The following PRKN variants were observed in gnomAD, a reference collection of about 807,000 sequenced individuals.
PRKN encodes E3 ubiquitin-protein ligase parkin.
Under a neutral mutation model 59.5 loss-of-function variants are expected in PRKN, and 56 were observed. The ratio of observed to expected loss-of-function variants is 0.94; its 90% CI spans 0.76 to 1.18. The LOEUF is 1.18. Ranked by LOEUF, PRKN falls within the 50% of genes most tolerant of loss-of-function variation. The pLI is 0.00. For synonymous variants in PRKN, 250 were observed against 222.1 expected, an observed-to-expected ratio of 1.13 and a Z score of -1.12; for missense variants, 657 against 596.4, an observed-to-expected ratio of 1.10 and a Z score of -1.06.
At chr6:161,927,199 T>C (rs1238358078) in intron 6 of PRKN, among the ~76,000 whole-genome samples, 1 of 152,214 alleles carries the variant, frequency 6.6e-6, no homozygotes, top group Non-Finnish European at 1.5e-5. Context: ...TATAAGTGAA[T>C]TTGTGTATTC....
In PRKN at chr6:161,487,579, A is replaced by T. The variant is rs1009185410; in HGVS notation, c.1083+61275T>A. Among the ~76,000 whole-genome samples the T allele has an allele frequency of 1.3e-5, 2 of 152,224 alleles. No homozygotes were observed. The highest frequency in any genetic ancestry group is 4.8e-5 in the African/African-American group (2 of 41,448). On this transcript the variant is annotated intron_variant, in intron 9 of 11. Coordinates refer to ENST00000366898, the MANE Select transcript of PRKN (RefSeq NM_004562.3). This position sits in a 1 kb window ranked among gnomAD's most constrained non-coding sequence, Gnocchi z 5.3. ...CACATTTTGATGGTCGCTTAGGTAAACTAAGATCTATTTTAGACTTGCAAA... is the reference window on the plus strand; with the variant it reads ...CACATTTTGATGGTCGCTTAGGTAATCTAAGATCTATTTTAGACTTGCAAA...
chr6:162,603,582 C>T (rs999547174), intron 1 of PRKN, among the ~76,000 whole-genome samples: 2 of 152,194 alleles, frequency 1.3e-5, no homozygotes, highest in Non-Finnish European at 2.9e-5. Flanking sequence ...ATGCAGGTCC[C>T]TGCTCTAAGC....
intron 1 of PRKN, chr6:162,569,471 G>A (rs1780220352): frequency 4.4e-6 from 3 of 689,178 alleles, no homozygotes; most frequent in African/African-American, 1.8e-5. Flanking sequence ...GGAGAGTGAG[G>A]AGAGCCACCT....
Position 162,495,990 on chromosome 6 carries a change from C to T in PRKN, c.8-52517G>A, listed in dbSNP as rs542928468. On this transcript the variant is annotated intron_variant, in intron 1 of 11. Transcript: ENST00000366898. ...TGTGGCCAGGTGCGGTGGCTCACAGCACTTTGGAAGGCCAAGGTGGGTGGA... is the reference window on the plus strand; with the variant it reads ...TGTGGCCAGGTGCGGTGGCTCACAGTACTTTGGAAGGCCAAGGTGGGTGGA... Among the ~76,000 whole-genome samples, 127 of 152,264 alleles carry T rather than the reference C, an allele frequency of 8.3e-4. 1 individual carries two copies. The highest frequency in any genetic ancestry group is 1.4e-3 in the Admixed American group (21 of 15,284).
chr6:162,155,801 GAAA>G (rs35890771), intron 4 of PRKN, among the ~76,000 whole-genome samples: 7 of 140,924 alleles, frequency 5.0e-5, no homozygotes, highest in African/African-American at 1.0e-4. Context: ...TTTCAGTTAA[GAAA>G]AAAAAAAAAA....
At chr6:161,806,325 C>T (rs932346427) in intron 6 of PRKN, among the ~76,000 whole-genome samples, 3 of 152,168 alleles carry the variant, frequency 2.0e-5, no homozygotes, top group East Asian at 1.9e-4. Flanking sequence ...ACAGCACTCA[C>T]GGTTGTGGCT....
chr6:162,420,925 A>G (rs1788927126), intron 2 of PRKN, among the ~76,000 whole-genome samples: 1 of 152,174 alleles, frequency 6.6e-6, no homozygotes, highest in Non-Finnish European at 1.5e-5. Context: ...TTTAAAAACC[A>G]GAACAGCAAA....
chr6:161,760,982 T>G (rs138602336), intron 7 of PRKN, among the ~76,000 whole-genome samples: 19 of 152,356 alleles, frequency 1.2e-4, no homozygotes, highest in African/African-American at 4.6e-4. Flanking sequence ...CACTATGCCA[T>G]GCTTTGAGTA....
intron 1 of PRKN, among the ~76,000 whole-genome samples, chr6:162,688,113 A>G (rs1447117308): frequency 1.3e-5 from 2 of 152,230 alleles, no homozygotes; most frequent in Non-Finnish European, 2.9e-5. Context: ...AAATCAAGTC[A>G]TAAGGTAAAT....
intron 3 of PRKN, among the ~76,000 whole-genome samples, chr6:162,256,533 C>T (rs529352726): frequency 2.9e-4 from 44 of 152,268 alleles, no homozygotes; most frequent in African/African-American, 8.9e-4. Context: ...GCAATAATTA[C>T]GATGCTCAGA....
chr6:162,606,597 T>C (rs1781926254), intron 1 of PRKN, among the ~76,000 whole-genome samples: 1 of 152,148 alleles, frequency 6.6e-6, no homozygotes, highest in African/African-American at 2.4e-5. Flanking sequence ...GGGATAGTGA[T>C]GGGGAAGATG....
chr6:161,407,202 C>A lies in PRKN; in HGVS notation c.1084-20325G>T, dbSNP rs182637057. Among the ~76,000 whole-genome samples, 2 of 152,012 alleles carry A rather than the reference C, an allele frequency of 1.3e-5. No individual in the cohort carries two copies. The highest frequency in any genetic ancestry group is 2.9e-5 in the Non-Finnish European group (2 of 68,008). ...TCTACATGGAAAACAAAAAGTCATA[C>A]CAAAATTATAACTGCTAAGAGAGAT... On this transcript the variant is annotated intron_variant, in intron 9 of 11. Coordinates refer to ENST00000366898, the MANE Select transcript of PRKN (RefSeq NM_004562.3). The surrounding 1 kb of genome is among the most constrained non-coding windows in gnomAD (Gnocchi z 4.9).
At chr6:162,375,399 A>G (rs577502045) in intron 2 of PRKN, among the ~76,000 whole-genome samples, 1 of 149,236 alleles carries the variant, frequency 6.7e-6, no homozygotes, top group African/African-American at 2.5e-5. Context: ...CTGCTTATCA[A>G]CTCCTGTTTT....
chr6:162,205,992 T>C (rs528904080), intron 3 of PRKN, among the ~76,000 whole-genome samples: 1 of 152,110 alleles, frequency 6.6e-6, no homozygotes. Flanking sequence ...AAACAGCTTG[T>C]TTTAATCTGT....
Position 161,786,911 on chromosome 6 carries a change from G to GAA in PRKN, c.735-1005_735-1004dup, listed in dbSNP as rs11372289. Among the ~76,000 whole-genome samples, 9 of 150,800 alleles carry GAA rather than the reference G, an allele frequency of 6.0e-5. No homozygotes were observed. In the East Asian group the frequency reaches 9.8e-4, roughly 16 times the overall value. ...TTTTATCCCTTTAAAATACTCTGTA[G>GAA]AAAAAAAAATCTTAAAAGCCATGTA... On this transcript the variant is annotated intron_variant, in intron 6 of 11. Coordinates refer to ENST00000366898, the MANE Select transcript of PRKN (RefSeq NM_004562.3).
intron 4 of PRKN, among the ~76,000 whole-genome samples, chr6:162,163,670 G>A (rs1490970803): frequency 6.7e-6 from 1 of 149,112 alleles, no homozygotes; most frequent in African/African-American, 2.5e-5. Flanking sequence ...ACATTGCACT[G>A]CCCTGAGCAG....
rs1033576 is a variant in PRKN at position 161,705,417 on chromosome 6, T to C, written c.871+80355A>G. The stretch of plus-strand genomic sequence containing the variant: ...ACAAAAAGTGAAAAACAAGGTTGGA[T>C]TGGTACTTGAAGTATGGTTTCAACC... On this transcript the variant is annotated intron_variant, in intron 7 of 11. Transcript: ENST00000366898. Among the ~76,000 whole-genome samples the C allele has an allele frequency of 3.0e-3, 462 of 152,338 alleles. 1 individual carries two copies. Among genetic ancestry groups the C allele is most frequent in the Middle Eastern group, 6.8e-3 (2 of 294 alleles).
intron 2 of PRKN, among the ~76,000 whole-genome samples, chr6:162,340,527 CTT>C (rs1486823843): frequency 6.6e-6 from 1 of 152,004 alleles, no homozygotes; most frequent in African/African-American, 2.4e-5. Context: ...TACAAAATCA[CTT>C]GTAAAAAATC....
chr6:161,964,567 A>T (rs770362425), intron 6 of PRKN, among the ~76,000 whole-genome samples: 1 of 152,028 alleles, frequency 6.6e-6, no homozygotes, highest in Non-Finnish European at 1.5e-5. Context: ...AAGTTGTAAG[A>T]TTTTCCATTC....
Sources: allele counts gnomAD v4.1 joint callset (sites outside exome capture counted in the v4.1 genomes callset), GRCh38; gene constraint gnomAD v4.1.1; non-coding constraint Gnocchi (gnomAD v3.1); transcripts MANE v1.5; gene names NCBI Gene and HGNC (gene_info 2026-07-23, HGNC 2026-07-21).